Variants in NUDT6 observed in about 807,000 individuals in gnomAD.
The protein encoded by NUDT6 is nudix hydrolase 6.
Under a neutral mutation model 36.8 loss-of-function variants are expected in NUDT6, and 24 were observed. That is an observed-to-expected ratio of 0.65 (90% CI 0.47 to 0.92). The LOEUF is 0.92. NUDT6 is among the 40% of genes least tolerant of loss of function. The pLI is 0.00. For missense variants in NUDT6, 388 were observed against 392.8 expected (o/e 0.99, Z 0.10); for synonymous variants, 163 against 157.0 (o/e 1.04, Z -0.29).
chr4:122,901,605 A>G (rs1727525272), intron 3 of NUDT6, among the ~76,000 whole-genome samples: 1 of 152,176 alleles, frequency 6.6e-6, no homozygotes, highest in African/African-American at 2.4e-5. Flanking sequence ...AAATTTTCTG[A>G]TGCATTTTTT....
chr4:122,903,529 G>A (rs549970832), intron 3 of NUDT6, among the ~76,000 whole-genome samples: 1 of 152,312 alleles, frequency 6.6e-6, no homozygotes, highest in South Asian at 2.1e-4. Flanking sequence ...GGTGGGGCCT[G>A]AGAATTTGCA....
chr4:122,907,505 C>T (rs1201123256), intron 3 of NUDT6, among the ~76,000 whole-genome samples: 2 of 144,708 alleles, frequency 1.4e-5, no homozygotes, highest in African/African-American at 5.1e-5. Flanking sequence ...GGCTGGAGTG[C>T]AGTGGCGCGA....
chr4:122,922,592 T>G lies in NUDT6; in HGVS notation c.-20A>C, dbSNP rs201407718. 1.0e-5 allele frequency: 16 copies of G among 1,580,416 alleles called. No individual in the cohort carries two copies. The highest frequency in any genetic ancestry group is 5.6e-5 in the South Asian group (5 of 88,974). On this transcript the variant is annotated 5_prime_UTR_variant, in exon 1 of 5. Coordinates refer to ENST00000304430, the MANE Select transcript of NUDT6 (RefSeq NM_007083.5). ...CCGCATCTCCACGCCGCTTAATTCG[T>G]CCGTTGCCCAAATGACCCCTCCGCG...
intron 3 of NUDT6, among the ~76,000 whole-genome samples, chr4:122,909,639 T>C (rs1026975641): frequency 6.6e-6 from 1 of 152,212 alleles, no homozygotes; most frequent in African/African-American, 2.4e-5. Flanking sequence ...AGGCTGGTAC[T>C]ACCACTTTAT....
chr4:122,911,166 G>T (rs1458759), intron 3 of NUDT6, among the ~76,000 whole-genome samples: 69,027 of 151,942 alleles, frequency 0.45, 17,585 homozygotes, highest in Non-Finnish European at 0.57. Flanking sequence ...AGTAGAAGTG[G>T]CAAAGGGATT....
At chr4:122,905,173 G>A (rs570444546) in intron 3 of NUDT6, among the ~76,000 whole-genome samples, 136 of 152,240 alleles carry the variant, frequency 8.9e-4, no homozygotes, top group African/African-American at 2.5e-3. Context: ...TGATTGGCGC[G>A]TTTAGAATCT....
rs1727749246 is a variant in NUDT6, at chr4:122,912,418, T to G, written c.498+150A>C. On this transcript the variant is annotated intron_variant, in intron 3 of 4. Coordinates refer to ENST00000304430, the MANE Select transcript of NUDT6 (RefSeq NM_007083.5). ...GTCTGTATAAGTAGTTTGGTTTAAATAAATATCTAAGGTGATCCATAACTG... is the reference window on the plus strand; with the variant it reads ...GTCTGTATAAGTAGTTTGGTTTAAAGAAATATCTAAGGTGATCCATAACTG... The G allele has an allele frequency of 8.0e-6, 5 of 623,754 alleles. No individual in the cohort carries two copies. In the Admixed American group the frequency reaches 1.5e-4, roughly 19 times the overall value. The allele number at this position is 623,754 out of a possible 1,614,324, so 38.6% of individuals were successfully genotyped here.
chr4:122,915,469 C>CAAAA (rs61032259), intron 2 of NUDT6, among the ~76,000 whole-genome samples: 2 of 42,258 alleles, frequency 4.7e-5, no homozygotes, highest in African/African-American at 6.6e-5. Flanking sequence ...GACCCTGCCT[C>CAAAA]AAAAAAAAAA....
chr4:122,921,403 T>C (rs1727986504), intron 1 of NUDT6: 1 of 151,944 alleles, frequency 6.6e-6, no homozygotes, highest in African/African-American at 2.4e-5. Flanking sequence ...CCCGGGAGAC[T>C]GAGACCAGCC....
At position 122,922,410 on chromosome 4, in the gene NUDT6, C is replaced by A. The variant is rs1728073112; in HGVS notation, c.163G>T (p.Gly55Cys). The A allele has an allele frequency of 6.2e-7, 1 of 1,611,090 alleles. No individual in the cohort carries two copies. Among genetic ancestry groups the A allele is most frequent in the Non-Finnish European group, 8.5e-7 (1 of 1,179,864 alleles). Residue 55 changes from glycine to cysteine, a missense_variant, in exon 1 of 5, where the codon GGC becomes TGC. Gly to Cys is a radical substitution (Grantham distance 159). Coordinates refer to ENST00000304430, the MANE Select transcript of NUDT6 (RefSeq NM_007083.5). ...AGCCGCGCCAGGCGCACCGAGATGC[C>A]CCCGAATCTGTCCAGCTCGCCCTGC... ...DLQGELDRFGGISVRLARLDA... is the reference protein window; with the variant it reads ...DLQGELDRFGCISVRLARLDA...
At chr4:122,900,221 G>A (rs1175924320) in intron 3 of NUDT6, among the ~76,000 whole-genome samples, 3 of 151,934 alleles carry the variant, frequency 2.0e-5, no homozygotes, top group African/African-American at 7.3e-5. Context: ...CTTTTCCGAA[G>A]CTTTTGTAAA....
In NUDT6 at chr4:122,893,072, A is replaced by G. The variant is rs781553867; in HGVS notation, c.707T>C (p.Ile236Thr). The change falls in exon 5 of 5, where the codon ATA becomes ACA. Residue 236 changes from isoleucine (I) to threonine (T), a missense_variant. Coordinates refer to ENST00000304430, the MANE Select transcript of NUDT6 (RefSeq NM_007083.5). ...ICRLKPYSFT[I>T]NFCQEECLRC... ...TAAGCATTCTTCCTGGCAAAAATTT[A>G]TGGTGAATGAATATGGCTTTAGGCG... 6.2e-7 allele frequency: 1 copy of G among 1,614,184 alleles called. No individual in the cohort carries two copies. The highest frequency in any genetic ancestry group is 1.1e-5 in the South Asian group (1 of 91,080).
intron 2 of NUDT6, among the ~76,000 whole-genome samples, chr4:122,916,822 G>A (rs1360859398): frequency 1.3e-5 from 2 of 152,064 alleles, no homozygotes; most frequent in East Asian, 1.9e-4. Flanking sequence ...CTTGTGCTTC[G>A]GGGCATTAAT....
At chr4:122,893,330 T>A in intron 4 of NUDT6, 105 bp from the exon 5 acceptor site, 1 of 1,087,430 alleles carries the variant, frequency 9.2e-7, no homozygotes, top group Non-Finnish European at 1.3e-6. Context: ...CTCAAAACAT[T>A]ACCCTAACAA....
intron 2 of NUDT6, among the ~76,000 whole-genome samples, chr4:122,913,799 G>A (rs1727777492): frequency 6.6e-6 from 1 of 151,272 alleles, no homozygotes; most frequent in South Asian, 2.1e-4. Context: ...TTTCCCTTTG[G>A]GCAATCTTGG....
rs540864944 is a variant in NUDT6, at chr4:122,916,843, A to G, written c.442+658T>C. ...CTTCGGGGCATTAATAAGGAAAATA[A>G]GGGTTATTTGAATCCAAGTACTGTG... On this transcript the variant is annotated intron_variant, in intron 2 of 4. Coordinates refer to ENST00000304430, the MANE Select transcript of NUDT6 (RefSeq NM_007083.5). Among the ~76,000 whole-genome samples the G allele has an allele frequency of 2.0e-5, 3 of 152,334 alleles. No homozygotes were observed. In the South Asian group the frequency reaches 6.2e-4, roughly 32 times the overall value.
At chr4:122,897,843 C>CT in intron 3 of NUDT6, 165 bp from the exon 4 acceptor site, 2 of 596,546 alleles carry the variant, frequency 3.4e-6, no homozygotes, top group South Asian at 2.2e-5. Context: ...CTCGTTTCTT[C>CT]TTTTTTTGGG....
At chr4:122,893,321 T>G in intron 4 of NUDT6, 96 bp from the exon 5 acceptor site, 1 of 1,186,544 alleles carries the variant, frequency 8.4e-7, no homozygotes, top group East Asian at 2.5e-5. Context: ...ATGTAAAGGC[T>G]CAAAACATTA....
chr4:122,894,592 A>G (rs1578486251), intron 4 of NUDT6: 1 of 152,102 alleles, frequency 6.6e-6, no homozygotes, highest in African/African-American at 2.4e-5. Context: ...GTCTCAAAAA[A>G]AGAGAAATTT....
Sources: allele counts gnomAD v4.1 joint callset (sites outside exome capture counted in the v4.1 genomes callset), GRCh38; gene constraint gnomAD v4.1.1; transcripts MANE v1.5; gene names NCBI Gene and HGNC (gene_info 2026-07-23, HGNC 2026-07-21).